GTPBP1: variants seen among roughly 807,000 people sequenced by gnomAD.
GTPBP1 encodes GTP binding protein 1.
Under a neutral mutation model 62.0 loss-of-function variants are expected in GTPBP1, and 23 were observed. The observed-to-expected ratio is 0.37, with a 90% CI of 0.27 to 0.53. GTPBP1 has a LOEUF of 0.53. GTPBP1 is among the 20% of genes least tolerant of loss of function. The probability of loss-of-function intolerance (pLI) is 0.89; values close to 1 mark genes in which losing one functional copy is unlikely to be tolerated. For missense variants in GTPBP1, 640 were observed against 917.3 expected (o/e 0.70, Z 3.90); for synonymous variants, 344 against 364.4 (o/e 0.94, Z 0.64).
At chr22:38,736,433 G>A (rs868842057), downstream of GTPBP1, 5 of 1,460,922 alleles carry the variant, frequency 3.4e-6, no homozygotes, top group Middle Eastern at 1.8e-4. Context: ...AGGCCTCACT[G>A]ACAGAGAAGG....
intron 1 of GTPBP1, among the ~76,000 whole-genome samples, chr22:38,707,542 T>C (rs1057177979): frequency 3.3e-5 from 5 of 152,200 alleles, no homozygotes; most frequent in African/African-American, 1.2e-4. Flanking sequence ...CCAGGAAACA[T>C]CCAGGTTACA....
intron 4 of GTPBP1, among the ~76,000 whole-genome samples, chr22:38,719,131 G>C (rs1199597587): frequency 6.6e-6 from 1 of 151,912 alleles, no homozygotes; most frequent in South Asian, 2.1e-4. Flanking sequence ...TCAGCTTCCC[G>C]AGTAGCTGGG....
In GTPBP1 at chr22:38,716,508, T is replaced by A. The variant is rs934003981; in HGVS notation, c.486-144T>A. 6.2e-6 allele frequency: 4 copies of A among 642,110 alleles called. No individual in the cohort carries two copies. The African/African-American group carries it at 7.3e-5, about 12-fold the overall frequency. 39.8% of individuals were successfully genotyped at this position (642,110 alleles called of 1,614,324 possible). A position where few individuals can be genotyped will look rare whatever the true frequency, so the allele number is the denominator to read the frequency against. ...AGCTCTAGGAACCTTCCCACTGTGC[T>A]CCTCCGGCTCAAGGAGGAGCTGTGA... On this transcript the variant is annotated intron_variant, in intron 3 of 11. Coordinates refer to ENST00000216044, the MANE Select transcript of GTPBP1 (RefSeq NM_004286.5). The surrounding 1 kb of genome is among the most constrained non-coding windows in gnomAD (Gnocchi z 5.2).
intron 5 of GTPBP1, chr22:38,723,377 A>G (rs1603192032): frequency 1.2e-6 from 1 of 861,708 alleles, no homozygotes. Flanking sequence ...AGACCATAAT[A>G]TGTTTGTCAA....
chr22:38,726,074 ACCT>A lies in GTPBP1; in HGVS notation c.1147_1149del (p.Leu383del). The A allele has an allele frequency of 6.2e-7, 1 of 1,613,398 alleles. No individual in the cohort carries two copies. The highest frequency in any genetic ancestry group is 8.5e-7 in the Non-Finnish European group (1 of 1,179,790). Reference sequence around the variant, plus strand: ...CTAGATCTGCTGAAGATGTTCCTCAACCTCCTCTCCCCCCGCACCAGCTACAGG... The same window carrying A: ...CTAGATCTGCTGAAGATGTTCCTCAACCTCTCCCCCCGCACCAGCTACAGG... On this transcript the variant is annotated inframe_deletion, in exon 7 of 12. Coordinates refer to ENST00000216044, the MANE Select transcript of GTPBP1 (RefSeq NM_004286.5). The surrounding 1 kb of genome is among the most constrained non-coding windows in gnomAD (Gnocchi z 4.1).
chr22:38,740,534 G>T, downstream of GTPBP1: 1 of 1,296,142 alleles, frequency 7.7e-7, no homozygotes, highest in Non-Finnish European at 1.0e-6. This position sits in a 1 kb window ranked among gnomAD's most constrained non-coding sequence, Gnocchi z 4.8. Flanking sequence ...CGTCAGGAGA[G>T]CGGGTGCCCA....
chr22:38,740,997 C>T (rs367607098), downstream of GTPBP1: 350 of 1,588,336 alleles, frequency 2.2e-4, 5 homozygotes, highest in South Asian at 1.5e-3. This position sits in a 1 kb window ranked among gnomAD's most constrained non-coding sequence, Gnocchi z 4.8. Context: ...CAGCTGGTGG[C>T]GCCCAGTACC....
downstream of GTPBP1, chr22:38,741,378 C>T (rs2092856281): frequency 9.4e-7 from 1 of 1,069,360 alleles, no homozygotes; most frequent in East Asian, 2.4e-5. Flanking sequence ...GGAGGGCACT[C>T]CCCTCCCCAT....
rs781586453 is a variant in GTPBP1, at chr22:38,716,733, A to C, written c.567A>C (p.Arg189=). ...VLTHGELDNG[R]GFARQKLFRH... ...CACATGGGGAGCTGGACAATGGCCGAGGCTTTGCCCGCCAGAAACTCTTCC... is the reference window on the plus strand; with the variant it reads ...CACATGGGGAGCTGGACAATGGCCGCGGCTTTGCCCGCCAGAAACTCTTCC... Residue 189 remains arginine, a synonymous_variant, in exon 4 of 12, where the codon CGA becomes CGC. Coordinates refer to ENST00000216044, the MANE Select transcript of GTPBP1 (RefSeq NM_004286.5). This position sits in a 1 kb window ranked among gnomAD's most constrained non-coding sequence, Gnocchi z 5.2. The C allele has an allele frequency of 1.2e-6, 2 of 1,614,150 alleles. No homozygotes were observed. Among genetic ancestry groups the C allele is most frequent in the Non-Finnish European group, 1.7e-6 (2 of 1,180,026 alleles).
rs757430249 is a variant in GTPBP1, at chr22:38,717,052, C to T, written c.834+52C>T. The T allele has an allele frequency of 1.1e-5, 12 of 1,126,370 alleles. 1 individual carries two copies. Among genetic ancestry groups the T allele is most frequent in the Non-Finnish European group, 1.6e-5 (12 of 756,658 alleles). 69.8% of individuals were successfully genotyped at this position (1,126,370 alleles called of 1,614,324 possible). On this transcript the variant is annotated intron_variant, in intron 4 of 11. Transcript: ENST00000216044. ...GAGGCGTCAGCAGGGCTGCTTGGGT[C>T]TGGTTATGTGCAAGTCTGAAACTGT...
chr22:38,708,810 A>G lies in GTPBP1; in HGVS notation c.193-35A>G, dbSNP rs375399945. On this transcript the variant is annotated intron_variant, in intron 1 of 11. Coordinates refer to ENST00000216044, the MANE Select transcript of GTPBP1 (RefSeq NM_004286.5). ...GCTTTGGCTGTGGTGCTCTTCTAGCAAGTGTGGTCCTAAGGCTGTTGGTTT... is the reference window on the plus strand; with the variant it reads ...GCTTTGGCTGTGGTGCTCTTCTAGCGAGTGTGGTCCTAAGGCTGTTGGTTT... 31 of 1,150,112 alleles carry G rather than the reference A, an allele frequency of 2.7e-5. No individual in the cohort carries two copies. In the African/African-American group the frequency reaches 4.5e-4, roughly 17 times the overall value. The allele number at this position is 1,150,112 out of a possible 1,614,324, so 71.2% of individuals were successfully genotyped here. A position where few individuals can be genotyped will look rare whatever the true frequency, so the allele number is the denominator to read the frequency against.
At chr22:38,725,284 A>C (rs534612201) in intron 6 of GTPBP1, 2 of 152,360 alleles carry the variant, frequency 1.3e-5, no homozygotes, top group African/African-American at 2.4e-5. Context: ...AGTCACCCTG[A>C]ATAGGAGCAA....
chr22:38,725,624 G>C (rs1193752742), intron 6 of GTPBP1, among the ~76,000 whole-genome samples: 3 of 152,208 alleles, frequency 2.0e-5, no homozygotes, highest in African/African-American at 7.2e-5. Context: ...AAGCCAAAGG[G>C]CTGTGAGTGT....
chr22:38,712,643 G>A lies in GTPBP1; in HGVS notation c.305-3264G>A, dbSNP rs1422590929. Among the ~76,000 whole-genome samples the A allele has an allele frequency of 2.6e-5, 4 of 152,098 alleles. No individual in the cohort carries two copies. In the South Asian group the frequency reaches 6.2e-4, roughly 24 times the overall value. On this transcript the variant is annotated intron_variant, in intron 2 of 11. Coordinates refer to ENST00000216044, the MANE Select transcript of GTPBP1 (RefSeq NM_004286.5). ...AGCTTTTCTCCTCCACCTTTGTCTC[G>A]GCTTCCACAGAGTGAGGAATGTGAT...
In GTPBP1 at chr22:38,715,968, C is replaced by T. The variant is rs1417449804; in HGVS notation, c.366C>T (p.Ser122=). 6 of 1,613,806 alleles carry T rather than the reference C, an allele frequency of 3.7e-6. No homozygotes were observed. The highest frequency in any genetic ancestry group is 1.7e-6 in the Non-Finnish European group (2 of 1,179,852). The part of the protein sequence containing the change: ...DMEASYATVK[S]MAEQIEADVI... ...AGGCCTCCTACGCCACAGTGAAGAG[C>T]ATGGCGGAACAGATAGAGGCCGATG... The change falls in exon 3 of 12, where the codon AGC becomes AGT. Residue 122 remains serine, a synonymous_variant. Coordinates refer to ENST00000216044, the MANE Select transcript of GTPBP1 (RefSeq NM_004286.5).
Position 38,719,807 on chromosome 22 carries a change from T to C in GTPBP1, c.835-1935T>C, listed in dbSNP as rs764525681. 4.5e-4 allele frequency among the ~76,000 whole-genome samples: 69 copies of C among 152,150 alleles called. No homozygotes were observed. In the Middle Eastern group the frequency reaches 0.01, roughly 23 times the overall value. ...GAAAATGAAGAATAGTTACCTAATA[T>C]CCTCAAATATTTAGTCTGTATTTAT... On this transcript the variant is annotated intron_variant, in intron 4 of 11. Transcript: ENST00000216044.
At position 38,723,472 on chromosome 22, in the gene GTPBP1, T is replaced by A. The variant is rs1013405964; in HGVS notation, c.959-825T>A. 1.0e-5 allele frequency: 10 copies of A among 960,180 alleles called. No individual in the cohort carries two copies. In the African/African-American group the frequency reaches 1.1e-4, roughly 11 times the overall value. 59.5% of individuals were successfully genotyped at this position (960,180 alleles called of 1,614,324 possible). A position where few individuals can be genotyped will look rare whatever the true frequency, so the allele number is the denominator to read the frequency against. On this transcript the variant is annotated intron_variant, in intron 5 of 11. Coordinates refer to ENST00000216044, the MANE Select transcript of GTPBP1 (RefSeq NM_004286.5). ...TGGCACTCACATGTCGGGCAGCCGATGCTCAGAGTAGCCTTCCCACAGCAG... is the reference window on the plus strand; with the variant it reads ...TGGCACTCACATGTCGGGCAGCCGAAGCTCAGAGTAGCCTTCCCACAGCAG...
intron 6 of GTPBP1, 95 bp downstream of exon 6, chr22:38,724,506 G>A: frequency 1.4e-6 from 1 of 733,476 alleles, no homozygotes; most frequent in Non-Finnish European, 2.5e-6. Context: ...TTGGGCATAA[G>A]GTCTCATGAA....
At chr22:38,729,795 G>C (rs1215740399) in intron 11 of GTPBP1, 133 bp downstream of exon 11, 1 of 560,190 alleles carries the variant, frequency 1.8e-6, no homozygotes, top group Non-Finnish European at 2.8e-6. Context: ...GCACTGAAGT[G>C]CTCCTAAGAA....
Sources: gnomAD v4.1 joint callset for allele counts (sites outside exome capture counted in the v4.1 genomes callset) on GRCh38, gnomAD v4.1.1 for gene constraint, Gnocchi (gnomAD v3.1) non-coding constraint, MANE v1.5 for transcripts, NCBI Gene and HGNC (gene_info 2026-07-23, HGNC 2026-07-21) for gene names.